FAM135B: variants seen among roughly 807,000 people sequenced by gnomAD.
FAM135B encodes the protein family with sequence similarity 135 member B.
FAM135B carries 43 observed loss-of-function variants against 127.7 expected under a neutral mutation model. The observed-to-expected ratio is 0.34, with a 90% CI of 0.26 to 0.43. The LOEUF is 0.43. Among genes scored for constraint, FAM135B ranks in the 20% least tolerant of loss-of-function variants. The pLI is 1.00. For synonymous variants in FAM135B, 670 were observed against 665.1 expected, an observed-to-expected ratio of 1.01 and a Z score of -0.11; for missense variants, 1,558 against 1,725.6, an observed-to-expected ratio of 0.90 and a Z score of 1.72.
At position 138,345,291 on chromosome 8, in the gene FAM135B, G is replaced by A. The variant is rs1343881832; in HGVS notation, c.77+22616C>T. 2.6e-5 allele frequency among the ~76,000 whole-genome samples: 4 copies of A among 152,182 alleles called. No homozygotes were observed. In the East Asian group the frequency reaches 7.7e-4, roughly 29 times the overall value. On this transcript the variant is annotated intron_variant, in intron 2 of 19. Transcript: ENST00000395297. ...TAAGTGGTAGGACAAAGGAGAGCATGGGGGAGGCTCCTCAAACAGGATCAG... is the reference window on the plus strand; with the variant it reads ...TAAGTGGTAGGACAAAGGAGAGCATAGGGGAGGCTCCTCAAACAGGATCAG...
In FAM135B at chr8:138,179,576, C is replaced by T. The variant is rs144091938; in HGVS notation, c.874-886G>A. On this transcript the variant is annotated intron_variant, in intron 9 of 19. Transcript: ENST00000395297. ...CTTCGCATAGTAAGTGTTTAAAAAA[C>T]GTCCTGAGAGAAGACAGCATCTCTG... Among the ~76,000 whole-genome samples, 583 of 152,296 alleles carry T rather than the reference C, an allele frequency of 3.8e-3. 3 individuals carry two copies. Among genetic ancestry groups the T allele is most frequent in the Non-Finnish European group, 5.7e-3 (389 of 68,020 alleles).
intron 3 of FAM135B, 134 bp downstream of exon 3, chr8:138,310,707 A>C (rs1256140694): frequency 2.8e-6 from 2 of 721,114 alleles, no homozygotes; most frequent in East Asian, 5.9e-5. Flanking sequence ...CATTTCCAAA[A>C]TTCGCCATCC....
At chr8:138,337,333 T>C (rs993577076) in intron 2 of FAM135B, among the ~76,000 whole-genome samples, 4 of 152,144 alleles carry the variant, frequency 2.6e-5, no homozygotes, top group African/African-American at 9.6e-5. Flanking sequence ...TGTTTGCAGA[T>C]GACATCATTG....
intron 5 of FAM135B, among the ~76,000 whole-genome samples, chr8:138,255,092 C>T (rs1286394242): frequency 7.1e-6 from 1 of 141,282 alleles, no homozygotes; most frequent in East Asian, 2.1e-4. Context: ...TGCAGTGGTA[C>T]AATCAGGACG....
At chr8:138,324,652 T>A (rs928035864) in intron 2 of FAM135B, among the ~76,000 whole-genome samples, 3 of 152,258 alleles carry the variant, frequency 2.0e-5, no homozygotes, top group Admixed American at 2.0e-4. Flanking sequence ...ATCAAAACCA[T>A]CCCTGTATGG....
At chr8:138,167,733 ACAAAGTC>A (rs373413747) in intron 12 of FAM135B, among the ~76,000 whole-genome samples, 155 bp downstream of exon 12, 2,113 of 152,302 alleles carry the variant, frequency 0.014, 38 homozygotes, top group Middle Eastern at 0.051. Context: ...TTTCATGGAA[ACAAAGTC>A]ATTTCAAACC....
chr8:138,169,311 T>C (rs1044360904), intron 11 of FAM135B, among the ~76,000 whole-genome samples: 1 of 151,970 alleles, frequency 6.6e-6, no homozygotes, highest in African/African-American at 2.4e-5. Context: ...TCGGAATATT[T>C]AACTCTTTAA....
chr8:138,393,567 T>A (rs1832703894), intron 1 of FAM135B, among the ~76,000 whole-genome samples: 1 of 151,396 alleles, frequency 6.6e-6, no homozygotes, highest in Non-Finnish European at 1.5e-5. Flanking sequence ...GGGGGAGGGG[T>A]ACAGATGCAT....
At chr8:138,365,414 T>C (rs1343552567) in intron 2 of FAM135B, among the ~76,000 whole-genome samples, 1 of 152,182 alleles carries the variant, frequency 6.6e-6, no homozygotes, top group African/African-American at 2.4e-5. Context: ...CGGTGATTAT[T>C]TTGTGTAAGA....
intron 1 of FAM135B, among the ~76,000 whole-genome samples, chr8:138,416,442 G>A (rs1834159329): frequency 6.6e-6 from 1 of 152,160 alleles, no homozygotes; most frequent in Admixed American, 6.5e-5. Flanking sequence ...TACAGCTGGA[G>A]TAAAATATAA....
At position 138,132,930 on chromosome 8, in the gene FAM135B, A is replaced by G; in HGVS notation, c.4016-132T>C. On this transcript the variant is annotated intron_variant, in intron 19 of 19. Transcript: ENST00000395297. The surrounding 1 kb of genome is among the most constrained non-coding windows in gnomAD (Gnocchi z 4.5). ...ATACAGCAGTTTCCAACCTCTTCCT[A>G]ATGTTAGTGAAATTAATATGAAATA... 1.4e-6 allele frequency: 1 copy of G among 713,870 alleles called. No individual in the cohort carries two copies. Among genetic ancestry groups the G allele is most frequent in the Non-Finnish European group, 2.4e-6 (1 of 409,368 alleles). 44.2% of individuals were successfully genotyped at this position (713,870 alleles called of 1,614,324 possible). A position where few individuals can be genotyped will look rare whatever the true frequency, so the allele number is the denominator to read the frequency against.
At chr8:138,165,114 TTTAA>T (rs1428377572) in intron 12 of FAM135B, among the ~76,000 whole-genome samples, 4 of 139,736 alleles carry the variant, frequency 2.9e-5, no homozygotes, top group Non-Finnish European at 4.5e-5. Flanking sequence ...TATTTATTTA[TTTAA>T]TTGATTTTTT....
At chr8:138,363,973 C>A (rs974420509) in intron 2 of FAM135B, among the ~76,000 whole-genome samples, 24 of 152,130 alleles carry the variant, frequency 1.6e-4, no homozygotes, top group African/African-American at 2.4e-5. Flanking sequence ...TCCCAAAGAC[C>A]TTGTAGAGCA....
At chr8:138,348,532 C>A (rs1160830141) in intron 2 of FAM135B, among the ~76,000 whole-genome samples, 1 of 152,210 alleles carries the variant, frequency 6.6e-6, no homozygotes, top group South Asian at 2.1e-4. Flanking sequence ...ACCTGTGACT[C>A]AATCCTTCAC....
At chr8:138,446,577 C>G (rs569166224) in intron 1 of FAM135B, among the ~76,000 whole-genome samples, 3 of 152,184 alleles carry the variant, frequency 2.0e-5, no homozygotes, top group Middle Eastern at 3.4e-3. Context: ...TTTAATAAAT[C>G]GTTCAGGGAA....
chr8:138,333,219 A>C (rs540366633), intron 2 of FAM135B, among the ~76,000 whole-genome samples: 11 of 152,236 alleles, frequency 7.2e-5, no homozygotes, highest in Non-Finnish European at 1.2e-4. Flanking sequence ...GCCCTGCAAC[A>C]CTTGCCCTGG....
intron 1 of FAM135B, among the ~76,000 whole-genome samples, chr8:138,388,853 G>A (rs1832374108): frequency 6.6e-6 from 1 of 152,096 alleles, no homozygotes; most frequent in African/African-American, 2.4e-5. Flanking sequence ...CCCATATAAT[G>A]TTAGAGTATT....
intron 1 of FAM135B, among the ~76,000 whole-genome samples, chr8:138,432,641 T>A (rs978989107): frequency 1.3e-5 from 2 of 151,972 alleles, no homozygotes; most frequent in Non-Finnish European, 2.9e-5. Flanking sequence ...GTACCTCCCA[T>A]CTAATCATCA....
At chr8:138,295,071 G>C (rs1825377243) in intron 3 of FAM135B, among the ~76,000 whole-genome samples, 1 of 141,810 alleles carries the variant, frequency 7.1e-6, no homozygotes. Context: ...ACACATTCCT[G>C]ATTCAAATGT....
Sources: gnomAD v4.1 joint callset for allele counts (sites outside exome capture counted in the v4.1 genomes callset) on GRCh38, gnomAD v4.1.1 for gene constraint, Gnocchi (gnomAD v3.1) non-coding constraint, MANE v1.5 for transcripts, NCBI Gene and HGNC (gene_info 2026-07-23, HGNC 2026-07-21) for gene names.